Variants in ERCC6 observed in about 807,000 individuals in gnomAD.
The protein encoded by ERCC6 is ERCC excision repair 6, chromatin remodeling factor.
In ERCC6, 116 loss-of-function variants were observed where a neutral mutation model predicts 158.7. The ratio of observed to expected loss-of-function variants is 0.73; its 90% CI spans 0.63 to 0.85. ERCC6 has a LOEUF of 0.85. Ranked by LOEUF, ERCC6 falls within the 40% of genes least tolerant of loss-of-function variation. The pLI, the probability that ERCC6 is intolerant of heterozygous loss-of-function variation, is 0.00. For synonymous variants in ERCC6, 678 were observed against 659.3 expected (o/e 1.03, Z -0.43); for missense variants, 1,698 against 1,799.4 (o/e 0.94, Z 1.02).
chr10:49,440,069 T>TA, the ERCC6 span, among the ~76,000 whole-genome samples: 5 of 152,226 alleles, frequency 3.3e-5, no homozygotes, highest in African/African-American at 1.2e-4. Flanking sequence ...AACCTCTGCC[T>TA]ATTACCCAGT....
Position 49,470,990 on chromosome 10 carries a change from T to A in ERCC6, c.3055A>T (p.Ser1019Cys). Reference sequence around the variant, plus strand: ...TATGTAATACCTGCAAAAATTGCACTTGTTTCAGTGCTCTGGGATGCATCA... The same window carrying A: ...TATGTAATACCTGCAAAAATTGCACATGTTTCAGTGCTCTGGGATGCATCA... ...SPDASQSTET[S>C]AIFAGTGSDV... Residue 1019 changes from serine to cysteine, a missense_variant, in exon 17 of 21, where the codon AGT becomes TGT. Ser to Cys is a moderately radical substitution (Grantham distance 112). Transcript: ENST00000355832. 1.2e-6 allele frequency: 2 copies of A among 1,614,116 alleles called. No individual in the cohort carries two copies. Among genetic ancestry groups the A allele is most frequent in the East Asian group, 4.5e-5 (2 of 44,878 alleles).
intron 6 of ERCC6, 28 bp from the exon 7 acceptor site, chr10:49,500,724 G>A (rs1262098298): frequency 6.2e-7 from 1 of 1,611,914 alleles, no homozygotes; most frequent in Non-Finnish European, 8.5e-7. Flanking sequence ...AACAAGAAAA[G>A]AGAAAATGGC....
rs768003524 is a variant in ERCC6, at chr10:49,470,965, T to TA, written c.3070+9dup. 37 of 1,613,806 alleles carry TA rather than the reference T, an allele frequency of 2.3e-5. No individual in the cohort carries two copies. The highest frequency in any genetic ancestry group is 3.0e-5 in the Non-Finnish European group (35 of 1,179,976). ...TTGATTACTTTAAATTAAATGATTT[T>TA]ATGTAATACCTGCAAAAATTGCACT... On this transcript the variant is annotated intron_variant, in intron 17 of 20. Transcript: ENST00000355832.
intron 1 of ERCC6, among the ~76,000 whole-genome samples, chr10:49,535,429 G>C (rs1837573529): frequency 6.6e-6 from 1 of 152,150 alleles, no homozygotes; most frequent in Admixed American, 6.5e-5. Flanking sequence ...GTTAAAAAGT[G>C]AACAACACAG....
chr10:49,438,712 C>A, the ERCC6 span, among the ~76,000 whole-genome samples: 1 of 152,182 alleles, frequency 6.6e-6, no homozygotes, highest in African/African-American at 2.4e-5. Flanking sequence ...CAAGGAAAGT[C>A]CCTTCTGCCT....
chr10:49,527,353 T>C (rs1266098566), intron 4 of ERCC6, among the ~76,000 whole-genome samples: 1 of 152,174 alleles, frequency 6.6e-6, no homozygotes. Flanking sequence ...ATAGGCCTAA[T>C]GAATTCTGAG....
chr10:49,527,106 T>C (rs1391282700), intron 4 of ERCC6, among the ~76,000 whole-genome samples: 1 of 151,490 alleles, frequency 6.6e-6, no homozygotes, highest in Non-Finnish European at 1.5e-5. Context: ...ACAGGCAGAG[T>C]GGAACAAGGA....
At chr10:49,534,154 A>AC (rs1554794818) in intron 1 of ERCC6, among the ~76,000 whole-genome samples, 8 of 148,202 alleles carry the variant, frequency 5.4e-5, no homozygotes, top group African/African-American at 1.3e-4. Context: ...AAAAAAAAAA[A>AC]CAAAAAAAAA....
At chr10:49,461,276 C>CCA in intron 19 of ERCC6, 76 bp downstream of exon 19, 1 of 1,436,684 alleles carries the variant, frequency 7.0e-7, no homozygotes, top group Non-Finnish European at 9.7e-7. Flanking sequence ...GTATAAGCCT[C>CCA]CACACCTGCC....
chr10:49,525,598 G>A (rs901001668), intron 4 of ERCC6, among the ~76,000 whole-genome samples: 4 of 152,140 alleles, frequency 2.6e-5, no homozygotes, highest in Admixed American at 2.0e-4. Flanking sequence ...GGCTTAATAG[G>A]AAGGAATCCA....
At position 49,461,543 on chromosome 10, in the gene ERCC6, A is replaced by C; in HGVS notation, c.3792T>G (p.Ser1264Arg). 1 of 1,613,776 alleles carries C rather than the reference A, an allele frequency of 6.2e-7. No individual in the cohort carries two copies. Among genetic ancestry groups the C allele is most frequent in the Non-Finnish European group, 8.5e-7 (1 of 1,179,854 alleles). The change falls in exon 19 of 21, where the codon AGT becomes AGG. Residue 1264 changes from serine (S) to arginine (R), a missense_variant. Ser to Arg is a moderately radical substitution (Grantham distance 110, BLOSUM62 -1). Transcript: ENST00000355832. Reference sequence around the variant, plus strand: ...CCATGATGGCATCGTGCTTCATGACACTGTGCACGCCAACTAGCAAGAAAA... The same window carrying C: ...CCATGATGGCATCGTGCTTCATGACCCTGTGCACGCCAACTAGCAAGAAAA... Reference protein sequence around the residue: ...KLFKKSVGVHSVMKHDAIMDG... With the variant: ...KLFKKSVGVHRVMKHDAIMDG...
intron 4 of ERCC6, among the ~76,000 whole-genome samples, chr10:49,526,202 A>G (rs1321199623): frequency 6.9e-6 from 1 of 144,094 alleles, no homozygotes; most frequent in African/African-American, 2.6e-5. Context: ...TCAGTTTTCC[A>G]AAGTGTTACG....
the ERCC6 span, among the ~76,000 whole-genome samples, chr10:49,446,769 G>A: frequency 2.0e-5 from 3 of 152,170 alleles, no homozygotes; most frequent in Non-Finnish European, 4.4e-5. Context: ...AGCTATGATC[G>A]TGCCACTGCA....
chr10:49,475,474 G>A (rs1850860957), intron 12 of ERCC6: 1 of 433,298 alleles, frequency 2.3e-6, no homozygotes, highest in South Asian at 1.7e-5. Context: ...GAGATGAATA[G>A]ATGTGAATGA....
At chr10:49,489,927 C>T (rs1160007488) in intron 8 of ERCC6, among the ~76,000 whole-genome samples, 1 of 151,892 alleles carries the variant, frequency 6.6e-6, no homozygotes, top group African/African-American at 2.4e-5. Context: ...TTTTTTTGAG[C>T]CCTAGCAACA....
upstream of ERCC6, chr10:49,539,144 G>A (rs1017951567): frequency 1.3e-5 from 2 of 152,338 alleles, no homozygotes; most frequent in Admixed American, 1.3e-4. Flanking sequence ...CTCAGCGTTT[G>A]TTTTTAAGCA....
chr10:49,527,859 CACAT>C (rs1319125197), intron 4 of ERCC6, among the ~76,000 whole-genome samples: 1 of 152,206 alleles, frequency 6.6e-6, no homozygotes, highest in Non-Finnish European at 1.5e-5. Context: ...CACACACACA[CACAT>C]ACACACACAC....
chr10:49,449,875 C>A (rs1226744272), downstream of ERCC6, among the ~76,000 whole-genome samples: 1 of 149,782 alleles, frequency 6.7e-6, no homozygotes. Context: ...AACTTGTTTT[C>A]TTTTTTCTTT....
chr10:49,507,717 A>G (rs1851468028), intron 5 of ERCC6, among the ~76,000 whole-genome samples: 1 of 152,174 alleles, frequency 6.6e-6, no homozygotes, highest in African/African-American at 2.4e-5. Flanking sequence ...CTTGGTTGTT[A>G]GAACTGTGGA....
Sources: allele counts gnomAD v4.1 joint callset (sites outside exome capture counted in the v4.1 genomes callset), GRCh38; gene constraint gnomAD v4.1.1; transcripts MANE v1.5; gene names NCBI Gene and HGNC (gene_info 2026-07-23, HGNC 2026-07-21).